PCDH9: variants seen among roughly 807,000 people sequenced by gnomAD.
PCDH9 encodes the protein protocadherin-9.
A neutral mutation model predicts 70.6 loss-of-function variants in PCDH9; 24 were observed. That is an observed-to-expected ratio of 0.34 (90% confidence interval 0.25 to 0.48). The LOEUF (loss-of-function observed/expected upper bound fraction) is 0.48, where lower values mean the gene tolerates loss of function less well. Ranked by LOEUF, PCDH9 falls within the 20% of genes least tolerant of loss-of-function variation. PCDH9 has a pLI of 0.99. For missense variants in PCDH9, 1,281 were observed against 1,503.6 expected (o/e 0.85, Z 2.45); for synonymous variants, 562 against 558.5 (o/e 1.01, Z -0.09).
At chr13:66,994,145 C>T (rs1242333172) in intron 2 of PCDH9, among the ~76,000 whole-genome samples, 3 of 152,050 alleles carry the variant, frequency 2.0e-5, no homozygotes, top group Admixed American at 1.3e-4. Context: ...GGCACAGAGC[C>T]CTATGGAATT....
intron 4 of PCDH9, among the ~76,000 whole-genome samples, chr13:66,385,954 T>C (rs1298592044): frequency 6.6e-6 from 1 of 151,814 alleles, no homozygotes; most frequent in African/African-American, 2.4e-5. Context: ...AAGAACACAG[T>C]TACAACTGTA....
chr13:66,585,094 T>C (rs1203642999), intron 4 of PCDH9, among the ~76,000 whole-genome samples: 1 of 151,892 alleles, frequency 6.6e-6, no homozygotes, highest in East Asian at 1.9e-4. Context: ...ATTCAGAGAG[T>C]GCACCAAGAA....
At chr13:66,809,522 A>G (rs1053375110) in intron 3 of PCDH9, among the ~76,000 whole-genome samples, 1 of 152,192 alleles carries the variant, frequency 6.6e-6, no homozygotes, top group African/African-American at 2.4e-5. Flanking sequence ...TAAACTAAAT[A>G]TGGTAGCAGG....
intron 4 of PCDH9, among the ~76,000 whole-genome samples, chr13:66,458,761 C>T (rs930506440): frequency 6.6e-6 from 1 of 152,018 alleles, no homozygotes; most frequent in Admixed American, 6.6e-5. Context: ...CCTTACCAAA[C>T]CTTTCCTATG....
At chr13:66,445,565 C>A (rs1265772887) in intron 4 of PCDH9, among the ~76,000 whole-genome samples, 1 of 137,252 alleles carries the variant, frequency 7.3e-6, no homozygotes, top group Admixed American at 7.6e-5. Flanking sequence ...ATAATATATA[C>A]GTGTATATAT....
intron 4 of PCDH9, among the ~76,000 whole-genome samples, chr13:66,380,961 CGT>C (rs1277624977): frequency 6.6e-6 from 1 of 152,112 alleles, no homozygotes; most frequent in Non-Finnish European, 1.5e-5. Context: ...AAGTAATACG[CGT>C]GTCAACTTTC....
At chr13:66,855,505 G>C (rs2081380688) in intron 3 of PCDH9, among the ~76,000 whole-genome samples, 1 of 151,862 alleles carries the variant, frequency 6.6e-6, no homozygotes, top group South Asian at 2.1e-4. Flanking sequence ...TTCATTTTCT[G>C]ATTTTGCTAG....
At chr13:66,813,347 T>C (rs1254625556) in intron 3 of PCDH9, among the ~76,000 whole-genome samples, 1 of 152,112 alleles carries the variant, frequency 6.6e-6, no homozygotes, top group Non-Finnish European at 1.5e-5. Flanking sequence ...AACCAAAATA[T>C]TAATAATAGA....
At chr13:66,808,944 T>A (rs868253194) in intron 3 of PCDH9, among the ~76,000 whole-genome samples, 22 of 152,204 alleles carry the variant, frequency 1.4e-4, no homozygotes, top group Middle Eastern at 3.2e-3. Context: ...TAAAATTTTT[T>A]AAATACATTC....
At position 66,818,535 on chromosome 13, in the gene PCDH9, GA is replaced by G. The variant is rs557748280; in HGVS notation, c.3138+84968del. ...AGAACATGAAAAAAATTAAACTCAA[GA>G]ATATATAAAATCAATAGACTAATTA... On this transcript the variant is annotated intron_variant, in intron 3 of 4. Coordinates refer to ENST00000377865, the MANE Select transcript of PCDH9 (RefSeq NM_203487.3). Among the ~76,000 whole-genome samples the G allele has an allele frequency of 3.5e-3, 528 of 152,220 alleles. 3 individuals are homozygous for G. Among genetic ancestry groups the G allele is most frequent in the African/African-American group, 0.012 (505 of 41,558 alleles).
At chr13:66,316,988 G>C (rs1955664637) in intron 4 of PCDH9, among the ~76,000 whole-genome samples, 1 of 152,098 alleles carries the variant, frequency 6.6e-6, no homozygotes. Flanking sequence ...CTCCCAAAAT[G>C]CTGGGATTAT....
intron 3 of PCDH9, among the ~76,000 whole-genome samples, chr13:66,763,502 C>A (rs2079660591): frequency 6.6e-6 from 1 of 152,146 alleles, no homozygotes; most frequent in Non-Finnish European, 1.5e-5. Flanking sequence ...ATATTTTATA[C>A]CTGTAACCAC....
intron 4 of PCDH9, among the ~76,000 whole-genome samples, chr13:66,551,219 A>C (rs1961472250): frequency 6.6e-6 from 1 of 152,158 alleles, no homozygotes; most frequent in Non-Finnish European, 1.5e-5. Context: ...TCAGATCCCC[A>C]AGGACCATAT....
intron 2 of PCDH9, among the ~76,000 whole-genome samples, chr13:67,177,738 ATC>A (rs1211825761): frequency 1.3e-4 from 20 of 152,154 alleles, no homozygotes; most frequent in Middle Eastern, 3.4e-3. Flanking sequence ...TGGTCCTGAA[ATC>A]TCTGTTTTCA....
intron 4 of PCDH9, among the ~76,000 whole-genome samples, chr13:66,617,018 G>C (rs543764224): frequency 6.6e-6 from 1 of 152,172 alleles, no homozygotes. Flanking sequence ...GATTCCTGCT[G>C]ATTAAGCCAA....
At chr13:67,106,985 G>A (rs903573351) in intron 2 of PCDH9, among the ~76,000 whole-genome samples, 1 of 152,212 alleles carries the variant, frequency 6.6e-6, no homozygotes, top group Non-Finnish European at 1.5e-5. Flanking sequence ...ATGTCTACAT[G>A]AGGTCTGCAG....
At chr13:66,538,482 C>T (rs1415449149) in intron 4 of PCDH9, among the ~76,000 whole-genome samples, 1 of 152,076 alleles carries the variant, frequency 6.6e-6, no homozygotes, top group East Asian at 1.9e-4. Flanking sequence ...GAAACAGAAC[C>T]AACAGGACAT....
chr13:67,157,405 A>G (rs1199676476), intron 2 of PCDH9, among the ~76,000 whole-genome samples: 1 of 152,234 alleles, frequency 6.6e-6, no homozygotes, highest in Non-Finnish European at 1.5e-5. Context: ...CTCAAATAAT[A>G]TTATTTAAAT....
intron 2 of PCDH9, among the ~76,000 whole-genome samples, chr13:66,973,781 A>C (rs2083566219): frequency 6.6e-6 from 1 of 151,996 alleles, no homozygotes. Flanking sequence ...AGATCATGTT[A>C]GTTTTTAAAA....
Sources: allele counts gnomAD v4.1 joint callset (sites outside exome capture counted in the v4.1 genomes callset), GRCh38; gene constraint gnomAD v4.1.1; transcripts MANE v1.5; gene names NCBI Gene and HGNC (gene_info 2026-07-23, HGNC 2026-07-21).